Variants in DRICH1 observed in about 807,000 individuals in gnomAD.
DRICH1 encodes aspartate-rich protein 1.
DRICH1 carries 38 observed loss-of-function variants against 39.5 expected under a neutral mutation model. The ratio of observed to expected loss-of-function variants is 0.96; its 90% confidence interval spans 0.74 to 1.26. DRICH1 has a LOEUF of 1.26. DRICH1 is among the 50% of genes most tolerant of loss of function. The probability of loss-of-function intolerance (pLI) is 0.00; values close to 1 mark genes in which losing one functional copy is unlikely to be tolerated. For synonymous variants in DRICH1, 84 were observed against 99.5 expected, an observed-to-expected ratio of 0.84 and a Z score of 0.93; for missense variants, 279 against 270.4, an observed-to-expected ratio of 1.03 and a Z score of -0.22.
chr22:23,630,102 A>G (rs575010835), intron 1 of DRICH1, among the ~76,000 whole-genome samples: 34 of 152,292 alleles, frequency 2.2e-4, no homozygotes, highest in African/African-American at 7.7e-4. Context: ...GAAGCCTGTG[A>G]GCTTTCTATG....
At chr22:23,586,686 G>A in the DRICH1 span, among the ~76,000 whole-genome samples, 1 of 152,138 alleles carries the variant, frequency 6.6e-6, no homozygotes, top group South Asian at 2.1e-4. Context: ...TGGGATTACA[G>A]GCACATACCA....
At chr22:23,628,940 G>A (rs1167456331) in intron 1 of DRICH1, among the ~76,000 whole-genome samples, 3 of 152,200 alleles carry the variant, frequency 2.0e-5, no homozygotes, top group African/African-American at 7.2e-5. Context: ...CGGCAGACAG[G>A]AAGGCCAGGT....
At chr22:23,632,726 A>C (rs1016860967), upstream of DRICH1, 1 of 152,294 alleles carries the variant, frequency 6.6e-6, no homozygotes, top group African/African-American at 2.4e-5. Context: ...AGCCTGGCCA[A>C]CATGGTGAAA....
At chr22:23,608,810 C>T (rs1926877010) in intron 11 of DRICH1, 42 bp from the exon 12 acceptor site, 2 of 1,553,118 alleles carry the variant, frequency 1.3e-6, no homozygotes, top group African/African-American at 2.7e-5. Context: ...AGCAGGCTCC[C>T]AGCTTTGTGC....
At chr22:23,609,094 G>A (rs960388678) in intron 11 of DRICH1, among the ~76,000 whole-genome samples, 1 of 152,194 alleles carries the variant, frequency 6.6e-6, no homozygotes, top group Non-Finnish European at 1.5e-5. Context: ...AGCCAGCCTG[G>A]AAGAGGCAAC....
At chr22:23,582,654 C>T in the DRICH1 span, among the ~76,000 whole-genome samples, 13 of 151,904 alleles carry the variant, frequency 8.6e-5, no homozygotes, top group Non-Finnish European at 1.9e-4. Flanking sequence ...TGGCCTCTGC[C>T]TCCCGGGTTC....
At chr22:23,586,736 G>T in the DRICH1 span, among the ~76,000 whole-genome samples, 1 of 152,008 alleles carries the variant, frequency 6.6e-6, no homozygotes, top group Non-Finnish European at 1.5e-5. Flanking sequence ...TAGAGACAAG[G>T]GTTTCACCAT....
rs746411270 is a variant in DRICH1, at chr22:23,613,709, G to C, written c.622-49C>G. 2.9e-6 allele frequency: 4 copies of C among 1,358,408 alleles called. No homozygotes were observed. The Admixed American group carries it at 5.3e-5, about 18-fold the overall frequency. 84.1% of individuals were successfully genotyped at this position (1,358,408 alleles called of 1,614,324 possible). On this transcript the variant is annotated intron_variant, in intron 9 of 11. Transcript: ENST00000317749. ...TTATGAAAATCAGATTCTGCTGTGC[G>C]CTTCACACAGATCTGTTATTCTCTG...
At chr22:23,612,718 A>G (rs1927113451) in intron 11 of DRICH1, among the ~76,000 whole-genome samples, 2 of 152,036 alleles carry the variant, frequency 1.3e-5, no homozygotes, top group Admixed American at 1.3e-4. Flanking sequence ...CTCAAAGGAG[A>G]CTGGAGTTTT....
At chr22:23,609,544 G>C (rs1299487985) in intron 11 of DRICH1, among the ~76,000 whole-genome samples, 1 of 152,080 alleles carries the variant, frequency 6.6e-6, no homozygotes, top group Admixed American at 6.5e-5. Flanking sequence ...AGTCTACAGA[G>C]CACCCCCTGA....
intron 11 of DRICH1, among the ~76,000 whole-genome samples, chr22:23,611,309 T>C (rs1055663855): frequency 3.9e-5 from 6 of 152,084 alleles, no homozygotes; most frequent in Non-Finnish European, 7.3e-5. Flanking sequence ...ACTAATTCTG[T>C]CTCAAAGTGA....
At chr22:23,600,055 T>G in the DRICH1 span, among the ~76,000 whole-genome samples, 1 of 152,070 alleles carries the variant, frequency 6.6e-6, no homozygotes, top group East Asian at 1.9e-4. Flanking sequence ...CGGACAGATA[T>G]ATGGATGGAC....
the DRICH1 span, among the ~76,000 whole-genome samples, chr22:23,588,446 C>T: frequency 3.9e-5 from 6 of 152,194 alleles, no homozygotes; most frequent in Non-Finnish European, 7.4e-5. Context: ...TTTTCTATAA[C>T]AAGTTGGGAA....
downstream of DRICH1, among the ~76,000 whole-genome samples, chr22:23,606,863 GC>G (rs1276033869): frequency 6.6e-6 from 1 of 152,222 alleles, no homozygotes; most frequent in African/African-American, 2.4e-5. Flanking sequence ...CCCACCCACA[GC>G]CTCCTGCTGG....
At chr22:23,622,781 C>T (rs1292130000) in intron 3 of DRICH1, among the ~76,000 whole-genome samples, 1 of 151,944 alleles carries the variant, frequency 6.6e-6, no homozygotes, top group East Asian at 1.9e-4. Context: ...CCTTTTGGGC[C>T]CCTGTAATCA....
intron 7 of DRICH1, 147 bp from the exon 8 acceptor site, chr22:23,617,021 A>G: frequency 1.1e-6 from 1 of 909,618 alleles, no homozygotes; most frequent in Non-Finnish European, 1.7e-6. Flanking sequence ...TCTAGCATAG[A>G]GGACATGTGT....
chr22:23,622,553 C>T (rs989969707), intron 3 of DRICH1, among the ~76,000 whole-genome samples: 1 of 152,044 alleles, frequency 6.6e-6, no homozygotes, highest in African/African-American at 2.4e-5. Flanking sequence ...TCCAATTATG[C>T]TGGTACTACA....
intron 3 of DRICH1, 109 bp from the exon 4 acceptor site, chr22:23,622,285 A>C: frequency 1.0e-6 from 1 of 972,222 alleles, no homozygotes; most frequent in South Asian, 1.3e-5. Context: ...ACAAGCATGG[A>C]CTGAGTTAAT....
chr22:23,629,040 T>TCTTG lies in DRICH1; in HGVS notation c.208+2775_208+2776insCAAG, dbSNP rs143806891. Among the ~76,000 whole-genome samples the TCTTG allele has an allele frequency of 6.6e-5, 10 of 151,684 alleles. No individual in the cohort carries two copies. In the South Asian group the frequency reaches 1.9e-3, roughly 29 times the overall value. On this transcript the variant is annotated intron_variant, in intron 1 of 11. Transcript: ENST00000317749. Reference sequence around the variant, plus strand: ...CTCCGCTCTTCTCTTTAATTTTTTGTTTTGTTTGTTTGTTTGTTTTGAGAA... The same window carrying TCTTG: ...CTCCGCTCTTCTCTTTAATTTTTTGTCTTGTTTGTTTGTTTGTTTGTTTTGAGAA...
Sources: allele counts gnomAD v4.1 joint callset (sites outside exome capture counted in the v4.1 genomes callset), GRCh38; gene constraint gnomAD v4.1.1; transcripts MANE v1.5; gene names NCBI Gene and HGNC (gene_info 2026-07-23, HGNC 2026-07-21).